Variants in GPRIN2 observed in about 807,000 individuals in gnomAD.
GPRIN2 encodes the protein G protein-regulated inducer of neurite outgrowth 2.
A neutral mutation model predicts 0.3 loss-of-function variants in GPRIN2; 1 was observed. The ratio of observed to expected loss-of-function variants is 3.90; its 90% CI spans 1.39 to 18.51. GPRIN2 has a LOEUF of 18.51. Among genes scored for constraint, GPRIN2 ranks in the 30% most tolerant of loss-of-function variants. GPRIN2 has a pLI of 0.11. For synonymous variants in GPRIN2, 361 were observed against 258.6 expected, an observed-to-expected ratio of 1.40 and a Z score of -3.80; for missense variants, 880 against 604.2, an observed-to-expected ratio of 1.46 and a Z score of -4.79.
rs1235218325 is a variant in GPRIN2, at chr10:46,546,896, T to C, written c.*2464A>G. 1.3e-5 allele frequency among the ~76,000 whole-genome samples: 2 copies of C among 152,226 alleles called. No individual in the cohort carries two copies. The highest frequency in any genetic ancestry group is 2.4e-5 in the African/African-American group (1 of 41,482). ...CTGCAAATACTCATCTCAGTGACGATGAGGTGAGTGGGAGCTTGGCTGAGC... is the reference window on the plus strand; with the variant it reads ...CTGCAAATACTCATCTCAGTGACGACGAGGTGAGTGGGAGCTTGGCTGAGC... On this transcript the variant is annotated 3_prime_UTR_variant, in exon 3 of 3. Transcript: ENST00000374314.
upstream of GPRIN2, among the ~76,000 whole-genome samples, chr10:46,556,797 C>T (rs1843296275): frequency 6.6e-6 from 1 of 152,218 alleles, no homozygotes; most frequent in African/African-American, 2.4e-5. Flanking sequence ...CGCGCCCCCA[C>T]CCCTCCTTCC....
rs1485326074 is a variant in GPRIN2, at chr10:46,545,213, C to T, written c.*4147G>A. Among the ~76,000 whole-genome samples, 5 of 152,136 alleles carry T rather than the reference C, an allele frequency of 3.3e-5. No individual in the cohort carries two copies. The highest frequency in any genetic ancestry group is 5.9e-5 in the Non-Finnish European group (4 of 67,906). ...CACCCCCAGATGCCTGTGACTCCCT[C>T]TGGTGGTTTCTGTGCACAACTTCCC... On this transcript the variant is annotated 3_prime_UTR_variant, in exon 3 of 3. Transcript: ENST00000374314.
At position 46,550,105 on chromosome 10, in the gene GPRIN2, G is replaced by A. The variant is rs1832483395; in HGVS notation, c.632C>T (p.Ala211Val). ...LGDTTAHSSS[A>V]QAEPKAAEQL... ...TTCAGCAGCTTTGGGCTCAGCCTGG[G>A]CACTGCTGCTGTGGGCAGTTGTGTC... is the stretch of plus-strand genomic sequence containing the variant. Residue 211 changes from alanine (A) to valine (V), a missense_variant, in exon 3 of 3, where the codon GCC (alanine) becomes GTC (valine). By Grantham distance (64) the Ala-to-Val change is moderately conservative (BLOSUM62 0). Coordinates refer to ENST00000374314, the MANE Select transcript of GPRIN2 (RefSeq NM_001385282.1). 1 of 1,612,018 alleles carries A rather than the reference G, an allele frequency of 6.2e-7. No individual in the cohort carries two copies. Among genetic ancestry groups the A allele is most frequent in the East Asian group, 2.2e-5 (1 of 44,856 alleles).
rs1842174274 is a variant in GPRIN2, at chr10:46,546,514, A to G, written c.*2846T>C. ...CAAATTTGTATCTGTTTTGAATTCA[A>G]AGCCAAACAAACACATCAACAGTGA... On this transcript the variant is annotated 3_prime_UTR_variant, in exon 3 of 3. Coordinates refer to ENST00000374314, the MANE Select transcript of GPRIN2 (RefSeq NM_001385282.1). 1.3e-5 allele frequency among the ~76,000 whole-genome samples: 2 copies of G among 152,308 alleles called. No homozygotes were observed. Among genetic ancestry groups the G allele is most frequent in the Non-Finnish European group, 2.9e-5 (2 of 68,056 alleles).
rs1555011037 is a variant in GPRIN2 at position 46,543,056 on chromosome 10, C to A, written c.*6304G>T. 6.6e-6 allele frequency among the ~76,000 whole-genome samples: 1 copy of A among 152,308 alleles called. No individual in the cohort carries two copies. The highest frequency in any genetic ancestry group is 1.5e-5 in the Non-Finnish European group (1 of 68,056). On this transcript the variant is annotated 3_prime_UTR_variant, in exon 3 of 3. Transcript: ENST00000374314. ...CTGACAACTGATTTCTCATTCTGGG[C>A]AAAAGCAATGGAAACTTGGCACAGC...
In GPRIN2 at chr10:46,549,770, C is replaced by T. The variant is rs1555018054; in HGVS notation, c.967G>A (p.Ala323Thr). 1 of 1,614,090 alleles carries T rather than the reference C, an allele frequency of 6.2e-7. No individual in the cohort carries two copies. The highest frequency in any genetic ancestry group is 1.3e-5 in the African/African-American group (1 of 74,968). ...GACAGCGGGGATGCCTCTGCAGGGG[C>T]CAAGTCATTGGCTGAGGTCATGGTC... ...VWTMTSANDL[A>T]PAEASPLSAQ... The change falls in exon 3 of 3, where the codon GCC becomes ACC. Residue 323 changes from alanine to threonine, a missense_variant. Physicochemically the swap from Ala to Thr is moderately conservative, Grantham distance 58. Transcript: ENST00000374314.
Position 46,544,917 on chromosome 10 carries a change from A to G in GPRIN2, c.*4443T>C, listed in dbSNP as rs1360785527. On this transcript the variant is annotated 3_prime_UTR_variant, in exon 3 of 3. Coordinates refer to ENST00000374314, the MANE Select transcript of GPRIN2 (RefSeq NM_001385282.1). ...CACAGACCTATGGGATGTCCCAGTG[A>G]TATGTCCTGGGCTTCATACCAGCCC... Among the ~76,000 whole-genome samples the G allele has an allele frequency of 6.6e-6, 1 of 152,310 alleles. No individual in the cohort carries two copies. The highest frequency in any genetic ancestry group is 1.5e-5 in the Non-Finnish European group (1 of 68,058).
rs3127832 is a variant in GPRIN2 at position 46,547,538 on chromosome 10, A to T, written c.*1822T>A. On this transcript the variant is annotated 3_prime_UTR_variant, in exon 3 of 3. Coordinates refer to ENST00000374314, the MANE Select transcript of GPRIN2 (RefSeq NM_001385282.1). ...ATCTGACCAGGCTGTTCCATCTGCC[A>T]GGCAGGTCCTGCCCTCTCTCCACCC... 6.2e-4 allele frequency among the ~76,000 whole-genome samples: 95 copies of T among 152,336 alleles called. No individual in the cohort carries two copies. Among genetic ancestry groups the T allele is most frequent in the Non-Finnish European group, 1.2e-3 (83 of 68,028 alleles).
Position 46,547,889 on chromosome 10 carries a change from G to A in GPRIN2, c.*1471C>T, listed in dbSNP as rs1042047113. ...TCAGGAGGCATCTGACCTGACGCAC[G>A]CCTTTGTCACTTTGTCCTTGTGGCC... is the stretch of plus-strand genomic sequence containing the variant. On this transcript the variant is annotated 3_prime_UTR_variant, in exon 3 of 3. Coordinates refer to ENST00000374314, the MANE Select transcript of GPRIN2 (RefSeq NM_001385282.1). Among the ~76,000 whole-genome samples, 1 of 152,424 alleles carries A rather than the reference G, an allele frequency of 6.6e-6. No homozygotes were observed. Among genetic ancestry groups the A allele is most frequent in the African/African-American group, 2.4e-5 (1 of 41,606 alleles).
chr10:46,543,847 GGA>G lies in GPRIN2; in HGVS notation c.*5511_*5512del, dbSNP rs2133154050. 6.6e-6 allele frequency among the ~76,000 whole-genome samples: 1 copy of G among 152,430 alleles called. No homozygotes were observed. Among genetic ancestry groups the G allele is most frequent in the East Asian group, 1.9e-4 (1 of 5,196 alleles). On this transcript the variant is annotated 3_prime_UTR_variant, in exon 3 of 3. Coordinates refer to ENST00000374314, the MANE Select transcript of GPRIN2 (RefSeq NM_001385282.1). The stretch of plus-strand genomic sequence containing the variant: ...GTGGGAGAAGCCAGGCAGGAGTCCT[GGA>G]GAGTGACCGCACAAGTGAGCAAAGG...
chr10:46,556,923 G>C (rs1368296141), upstream of GPRIN2, among the ~76,000 whole-genome samples: 2 of 151,562 alleles, frequency 1.3e-5, no homozygotes, highest in Non-Finnish European at 2.9e-5. Flanking sequence ...CTTCCCCGAC[G>C]CAACCCCACC....
rs1226016528 is a variant in GPRIN2 at position 46,545,738 on chromosome 10, G to A, written c.*3622C>T. ...TGGCCCCTGAATGTGGCTATGAGAG[G>A]GGTGCCCAACACTACCAGCCTGTGT... On this transcript the variant is annotated 3_prime_UTR_variant, in exon 3 of 3. Transcript: ENST00000374314. 2.0e-5 allele frequency among the ~76,000 whole-genome samples: 3 copies of A among 152,304 alleles called. No homozygotes were observed. The highest frequency in any genetic ancestry group is 2.4e-5 in the African/African-American group (1 of 41,488).
In GPRIN2 at chr10:46,546,161, A is replaced by G. The variant is rs1003067621; in HGVS notation, c.*3199T>C. 1.3e-5 allele frequency among the ~76,000 whole-genome samples: 2 copies of G among 152,308 alleles called. No homozygotes were observed. Among genetic ancestry groups the G allele is most frequent in the East Asian group, 1.9e-4 (1 of 5,208 alleles). On this transcript the variant is annotated 3_prime_UTR_variant, in exon 3 of 3. Transcript: ENST00000374314. The stretch of plus-strand genomic sequence containing the variant: ...TGTGACCTCAGACCAGCTCTACTCT[A>G]TGAGTTTCTTGTGACAGTGATGGCA...
chr10:46,550,361 G>C lies in GPRIN2; in HGVS notation c.376C>G (p.Arg126Gly), dbSNP rs1832393519. 6 of 1,612,702 alleles carry C rather than the reference G, an allele frequency of 3.7e-6. No individual in the cohort carries two copies. Among genetic ancestry groups the C allele is most frequent in the African/African-American group, 1.3e-5 (1 of 74,964 alleles). Residue 126 changes from arginine (R) to glycine (G), a missense_variant, in exon 3 of 3, where the codon CGT becomes GGT. Coordinates refer to ENST00000374314, the MANE Select transcript of GPRIN2 (RefSeq NM_001385282.1). Reference sequence around the variant, plus strand: ...CTGTGTCCCCGCATCTGGGTGCTACGGACCAGGTCTGAATGGCTCCTCTGC... The same window carrying C: ...CTGTGTCCCCGCATCTGGGTGCTACCGACCAGGTCTGAATGGCTCCTCTGC... Reference protein sequence around the residue: ...AMQRSHSDLVRSTQMRGHSGA... With the variant: ...AMQRSHSDLVGSTQMRGHSGA...
At chr10:46,553,146 C>T (rs1234671029) in intron 2 of GPRIN2, among the ~76,000 whole-genome samples, 1 of 152,284 alleles carries the variant, frequency 6.6e-6, no homozygotes, top group Non-Finnish European at 1.5e-5. Flanking sequence ...GCTCAGTGAC[C>T]CCCAAGGGCA....
In GPRIN2 at chr10:46,545,503, G is replaced by A. The variant is rs1197475886; in HGVS notation, c.*3857C>T. On this transcript the variant is annotated 3_prime_UTR_variant, in exon 3 of 3. Transcript: ENST00000374314. ...CCTCATCTCAGCAGAAGCTTCTGGG[G>A]AACCCAGCCCAAGATGAGTGGTGAG... Among the ~76,000 whole-genome samples, 5 of 152,430 alleles carry A rather than the reference G, an allele frequency of 3.3e-5. No individual in the cohort carries two copies. The East Asian group carries it at 7.7e-4, about 23-fold the overall frequency.
At position 46,543,267 on chromosome 10, in the gene GPRIN2, G is replaced by T. The variant is rs965698459; in HGVS notation, c.*6093C>A. On this transcript the variant is annotated 3_prime_UTR_variant, in exon 3 of 3. Transcript: ENST00000374314. ...CAAGACCGCAAGAAGAGAGACTACT[G>T]TATGGAGCCAGAAGGCGAAGGCAAG... Among the ~76,000 whole-genome samples the T allele has an allele frequency of 3.3e-5, 5 of 152,308 alleles. No individual in the cohort carries two copies. Among genetic ancestry groups the T allele is most frequent in the Non-Finnish European group, 7.3e-5 (5 of 68,058 alleles).
rs1833039103 is a variant in GPRIN2, at chr10:46,543,230, G to A, written c.*6130C>T. 1.3e-3 allele frequency among the ~76,000 whole-genome samples: 201 copies of A among 152,238 alleles called. No homozygotes were observed. The highest frequency in any genetic ancestry group is 4.6e-3 in the African/African-American group (191 of 41,430). The stretch of plus-strand genomic sequence containing the variant: ...ACACAGCCACAGCTGGGGGCCTGGT[G>A]GGGGGAATGGCCAAGACCGCAAGAA... On this transcript the variant is annotated 3_prime_UTR_variant, in exon 3 of 3. Coordinates refer to ENST00000374314, the MANE Select transcript of GPRIN2 (RefSeq NM_001385282.1).
Position 46,548,333 on chromosome 10 carries a change from C to T in GPRIN2, c.*1027G>A, listed in dbSNP as rs1842355975. 6.6e-6 allele frequency among the ~76,000 whole-genome samples: 1 copy of T among 152,422 alleles called. No individual in the cohort carries two copies. ...GGGCAAGCGAGCCCCCACAGCCTCA[C>T]AGCCCCTACCCCAGGGCCAGGGCAA... On this transcript the variant is annotated 3_prime_UTR_variant, in exon 3 of 3. Transcript: ENST00000374314.
Sources: gnomAD v4.1 joint callset for allele counts (sites outside exome capture counted in the v4.1 genomes callset) on GRCh38, gnomAD v4.1.1 for gene constraint, MANE v1.5 for transcripts, NCBI Gene and HGNC (gene_info 2026-07-23, HGNC 2026-07-21) for gene names.